The following KCNH4 variants were observed in gnomAD, a reference collection of about 807,000 sequenced individuals.
KCNH4 encodes potassium voltage-gated channel subfamily H member 4, also known as voltage-gated delayed rectifier potassium channel KCNH4.
A neutral mutation model predicts 90.7 loss-of-function variants in KCNH4; 33 were observed. The ratio of observed to expected loss-of-function variants is 0.36; its 90% CI spans 0.28 to 0.49. The LOEUF (loss-of-function observed/expected upper bound fraction) is 0.49, where lower values mean the gene tolerates loss of function less well. Ranked by LOEUF, KCNH4 falls within the 20% of genes least tolerant of loss-of-function variation. KCNH4 has a pLI of 0.98. For missense variants in KCNH4, 1,044 were observed against 1,387.1 expected (o/e 0.75, Z 3.93); for synonymous variants, 551 against 581.7 (o/e 0.95, Z 0.76).
At chr17:42,178,671 G>A (rs1044054699) in intron 2 of KCNH4, 122 bp downstream of exon 2, 7 of 1,118,418 alleles carry the variant, frequency 6.3e-6, no homozygotes, top group African/African-American at 3.1e-5. Flanking sequence ...TCAGGGATAC[G>A]CTCCGTCACA....
At chr17:42,159,623 A>G (rs2079731378) in intron 16 of KCNH4, 108 bp downstream of exon 16, 1 of 159,716 alleles carries the variant, frequency 6.3e-6, no homozygotes, top group Non-Finnish European at 1.4e-5. Flanking sequence ...GCAAAATCCT[A>G]CAACCTGTCT....
intron 6 of KCNH4, among the ~76,000 whole-genome samples, chr17:42,174,318 T>C (rs531233258): frequency 6.6e-6 from 1 of 151,982 alleles, no homozygotes; most frequent in African/African-American, 2.4e-5. Flanking sequence ...CATGTGATGA[T>C]GAGTGTGAAA....
At chr17:42,170,420 G>T in intron 7 of KCNH4, 119 bp from the exon 8 acceptor site, 1 of 844,682 alleles carries the variant, frequency 1.2e-6, no homozygotes, top group Non-Finnish European at 1.8e-6. Context: ...CACAGGAAAT[G>T]TGGGGAGTGG....
intron 7 of KCNH4, among the ~76,000 whole-genome samples, chr17:42,171,106 G>C (rs113096015): frequency 6.6e-6 from 1 of 152,152 alleles, no homozygotes; most frequent in South Asian, 2.1e-4. Flanking sequence ...GAGTGTAGTG[G>C]GTCAACGTTG....
chr17:42,179,088 C>A, intron 1 of KCNH4, 62 bp from the exon 2 acceptor site: 2 of 1,243,810 alleles, frequency 1.6e-6, no homozygotes, highest in Non-Finnish European at 1.2e-6. Flanking sequence ...TCCAGGTGGG[C>A]AGCACTTCCT....
chr17:42,158,985 T>C (rs1250371013), intron 16 of KCNH4, among the ~76,000 whole-genome samples: 1 of 152,086 alleles, frequency 6.6e-6, no homozygotes, highest in African/African-American at 2.4e-5. Context: ...TGCCCAGTGC[T>C]ACATTTTGTA....
At position 42,163,093 on chromosome 17, in the gene KCNH4, G is replaced by A. The variant is rs1041774427; in HGVS notation, c.2584+135C>T. ...TCCCTGCTAGACTTACTCCAAGAGC[G>A]TGGGCCAGGTCTGTTTTATCTGTGT... On this transcript the variant is annotated intron_variant, in intron 14 of 16. Coordinates refer to ENST00000264661, the MANE Select transcript of KCNH4 (RefSeq NM_012285.3). The surrounding 1 kb of genome is among the most constrained non-coding windows in gnomAD (Gnocchi z 5.4). 2.5e-5 allele frequency: 17 copies of A among 677,640 alleles called. No individual in the cohort carries two copies. The highest frequency in any genetic ancestry group is 1.2e-4 in the African/African-American group (7 of 56,344). The allele number at this position is 677,640 out of a possible 1,614,324, so 42.0% of individuals were successfully genotyped here. A position where few individuals can be genotyped will look rare whatever the true frequency, so the allele number is the denominator to read the frequency against.
rs1032725778 is a variant in KCNH4, at chr17:42,165,518, A to G, written c.2016T>C (p.Tyr672=). 5.6e-6 allele frequency: 9 copies of G among 1,614,172 alleles called. No individual in the cohort carries two copies. In the Admixed American group the frequency reaches 1.3e-4, roughly 24 times the overall value. ...GCAGGCCAGCCCGGAAGGCAGCCCCATACTCAGGATAGAGCCTCAGGACCT... is the reference window on the plus strand; with the variant it reads ...GCAGGCCAGCCCGGAAGGCAGCCCCGTACTCAGGATAGAGCCTCAGGACCT... The part of the protein sequence containing the change: ...LAEVLRLYPE[Y]GAAFRAGLPR... Residue 672 remains tyrosine (Y), a synonymous_variant, in exon 11 of 17, where the codon TAT becomes TAC. Coordinates refer to ENST00000264661, the MANE Select transcript of KCNH4 (RefSeq NM_012285.3).
At chr17:42,165,340 A>G in intron 11 of KCNH4, 109 bp downstream of exon 11, 2 of 1,390,640 alleles carry the variant, frequency 1.4e-6, no homozygotes, top group South Asian at 1.3e-5. Flanking sequence ...CCTGGGCTTC[A>G]GGCATGTGTT....
intron 2 of KCNH4, 123 bp downstream of exon 2, chr17:42,178,670 C>A (rs949807908): frequency 1.3e-5 from 15 of 1,115,818 alleles, no homozygotes; most frequent in Non-Finnish European, 1.9e-5. Context: ...GTCAGGGATA[C>A]GCTCCGTCAC....
Position 42,180,762 on chromosome 17 carries a change from A to T in KCNH4, c.76+108T>A. The T allele has an allele frequency of 8.8e-7, 1 of 1,141,354 alleles. No individual in the cohort carries two copies. Among genetic ancestry groups the T allele is most frequent in the South Asian group, 1.3e-5 (1 of 74,380 alleles). The allele number at this position is 1,141,354 out of a possible 1,614,324, so 70.7% of individuals were successfully genotyped here. A position where few individuals can be genotyped will look rare whatever the true frequency, so the allele number is the denominator to read the frequency against. On this transcript the variant is annotated intron_variant, in intron 1 of 16. Coordinates refer to ENST00000264661, the MANE Select transcript of KCNH4 (RefSeq NM_012285.3). The surrounding 1 kb of genome is among the most constrained non-coding windows in gnomAD (Gnocchi z 4.7). Reference sequence around the variant, plus strand: ...TGGGAGTTCCTAGACCCGCACCTCCATTCTCTCCCCTCGCCTCGGGTCTCA... The same window carrying T: ...TGGGAGTTCCTAGACCCGCACCTCCTTTCTCTCCCCTCGCCTCGGGTCTCA...
intron 2 of KCNH4, 130 bp from the exon 3 acceptor site, chr17:42,178,607 TTC>T: frequency 7.8e-7 from 1 of 1,278,442 alleles, no homozygotes; most frequent in Non-Finnish European, 1.1e-6. Flanking sequence ...ACCTCAGAGA[TTC>T]TGTCAGCCGA....
chr17:42,160,032 G>T lies in KCNH4; in HGVS notation c.*8C>A, dbSNP rs1220416660. 1 of 1,511,498 alleles carries T rather than the reference G, an allele frequency of 6.6e-7. No homozygotes were observed. Among genetic ancestry groups the T allele is most frequent in the Non-Finnish European group, 8.9e-7 (1 of 1,129,140 alleles). The allele number at this position is 1,511,498 out of a possible 1,614,324, so 93.6% of individuals were successfully genotyped here. On this transcript the variant is annotated 3_prime_UTR_variant, in exon 16 of 17. Coordinates refer to ENST00000264661, the MANE Select transcript of KCNH4 (RefSeq NM_012285.3). ...CCACCCCAGACAGGCCTGGGCCCTGGGCCAGGGTCAGTGGAACGTGTCTGA... is the reference window on the plus strand; with the variant it reads ...CCACCCCAGACAGGCCTGGGCCCTGTGCCAGGGTCAGTGGAACGTGTCTGA...
At chr17:42,160,988 GC>G (rs1212953941) in intron 15 of KCNH4, among the ~76,000 whole-genome samples, 1 of 137,178 alleles carries the variant, frequency 7.3e-6, no homozygotes, top group Non-Finnish European at 1.5e-5. Flanking sequence ...GTGCAATGGC[GC>G]GATCTCAGCT....
intron 4 of KCNH4, among the ~76,000 whole-genome samples, chr17:42,177,119 G>A (rs963297414): frequency 2.2e-4 from 34 of 151,596 alleles, no homozygotes; most frequent in Admixed American, 2.2e-3. Context: ...GTGCAATCTC[G>A]GCTCACCGCA....
intron 1 of KCNH4, among the ~76,000 whole-genome samples, chr17:42,179,897 T>C (rs1425478848): frequency 6.6e-6 from 1 of 152,200 alleles, no homozygotes; most frequent in African/African-American, 2.4e-5. Flanking sequence ...GGGACTCCTG[T>C]GGGCCATCCA....
At chr17:42,171,724 G>T in intron 7 of KCNH4, 64 bp downstream of exon 7, 1 of 1,419,506 alleles carries the variant, frequency 7.0e-7, no homozygotes, top group Non-Finnish European at 1.0e-6. Context: ...ACTGGTGGAG[G>T]CATCAGCTTG....
At chr17:42,164,958 T>G (rs2144124096) in intron 11 of KCNH4, among the ~76,000 whole-genome samples, 1 of 151,464 alleles carries the variant, frequency 6.6e-6, no homozygotes, top group South Asian at 2.1e-4. Flanking sequence ...ATACAAAAAT[T>G]AGCAGGGTGT....
chr17:42,175,585 G>A lies in KCNH4; in HGVS notation c.981C>T (p.Ile327=). 1 of 1,614,206 alleles carries A rather than the reference G, an allele frequency of 6.2e-7. No homozygotes were observed. The highest frequency in any genetic ancestry group is 1.1e-5 in the South Asian group (1 of 91,084). The change falls in exon 6 of 17, where the codon ATC becomes ATT. Residue 327 remains isoleucine, a synonymous_variant. Transcript: ENST00000264661. ...LPFDLLYIFN[I]TVTSLVHLLK... ...CGGGATGGAGGTCACTCACCACGGT[G>A]ATGTTGAAGATGTAAAGCAGGTCAA...
Sources: gnomAD v4.1 joint callset for allele counts (sites outside exome capture counted in the v4.1 genomes callset) on GRCh38, gnomAD v4.1.1 for gene constraint, Gnocchi (gnomAD v3.1) non-coding constraint, MANE v1.5 for transcripts, NCBI Gene and HGNC (gene_info 2026-07-23, HGNC 2026-07-21) for gene names.